The following ZNF804B variants were observed in gnomAD, a reference collection of about 807,000 sequenced individuals.
ZNF804B encodes zinc finger 804B.
In ZNF804B, 80 loss-of-function variants were observed where a neutral mutation model predicts 101.4. That is an observed-to-expected ratio of 0.79 (90% CI 0.66 to 0.95). The LOEUF (loss-of-function observed/expected upper bound fraction) is 0.95. ZNF804B is among the 40% of genes least tolerant of loss of function. The probability of loss-of-function intolerance (pLI) is 0.00; values close to 1 mark genes in which losing one functional copy is unlikely to be tolerated. For synonymous variants in ZNF804B, 622 were observed against 558.8 expected, an observed-to-expected ratio of 1.11 and a Z score of -1.59; for missense variants, 1,673 against 1,561.9, an observed-to-expected ratio of 1.07 and a Z score of -1.20.
Position 89,061,034 on chromosome 7 carries a change from C to T in ZNF804B, c.109-157121C>T, listed in dbSNP as rs774785567. Among the ~76,000 whole-genome samples the T allele has an allele frequency of 3.9e-5, 6 of 152,014 alleles. No homozygotes were observed. In the East Asian group the frequency reaches 5.8e-4, roughly 15 times the overall value. ...AAGCTGGGTGCACACAATTACCAACCGTAGTAATATGTATTTATACATTTC... is the reference window on the plus strand; with the variant it reads ...AAGCTGGGTGCACACAATTACCAACTGTAGTAATATGTATTTATACATTTC... On this transcript the variant is annotated intron_variant, in intron 1 of 3. Coordinates refer to ENST00000333190, the MANE Select transcript of ZNF804B (RefSeq NM_181646.5).
chr7:88,953,787 AAGG>A (rs1793259792), intron 1 of ZNF804B, among the ~76,000 whole-genome samples: 1 of 151,782 alleles, frequency 6.6e-6, no homozygotes, highest in Non-Finnish European at 1.5e-5. Flanking sequence ...CATAGAAAAT[AAGG>A]AGGATTTTCA....
intron 1 of ZNF804B, among the ~76,000 whole-genome samples, chr7:88,948,627 G>T (rs1051108286): frequency 6.6e-6 from 1 of 151,790 alleles, no homozygotes; most frequent in Non-Finnish European, 1.5e-5. Flanking sequence ...TCTGATAAGA[G>T]CCCTGCCTAA....
chr7:89,279,871 T>A lies in ZNF804B; in HGVS notation c.250-47473T>A, dbSNP rs567154617. On this transcript the variant is annotated intron_variant, in intron 2 of 3. Coordinates refer to ENST00000333190, the MANE Select transcript of ZNF804B (RefSeq NM_181646.5). ...TCAGGGTGATGCGGGCCTCATAGGATACCCAGGAATTGAACTCAGCTCTGC... is the reference window on the plus strand; with the variant it reads ...TCAGGGTGATGCGGGCCTCATAGGAAACCCAGGAATTGAACTCAGCTCTGC... Among the ~76,000 whole-genome samples, 4 of 152,180 alleles carry A rather than the reference T, an allele frequency of 2.6e-5. No individual in the cohort carries two copies. The East Asian group carries it at 7.7e-4, about 29-fold the overall frequency.
intron 1 of ZNF804B, among the ~76,000 whole-genome samples, chr7:89,002,999 C>A (rs1490507495): frequency 6.6e-6 from 1 of 150,636 alleles, no homozygotes; most frequent in Non-Finnish European, 1.5e-5. Flanking sequence ...CACAAGGTTA[C>A]CAATTACATT....
At chr7:89,330,570 A>C (rs1790963544) in intron 3 of ZNF804B, among the ~76,000 whole-genome samples, 1 of 151,598 alleles carries the variant, frequency 6.6e-6, no homozygotes, top group African/African-American at 2.4e-5. Context: ...AGAATTTAAA[A>C]CCCCACAAAG....
At chr7:88,820,557 C>T (rs1293908461) in intron 1 of ZNF804B, among the ~76,000 whole-genome samples, 5 of 152,140 alleles carry the variant, frequency 3.3e-5, no homozygotes, top group Non-Finnish European at 7.4e-5. Flanking sequence ...GGGTGGCTTG[C>T]AGTTGTTAAG....
chr7:88,984,691 T>A (rs906338086), intron 1 of ZNF804B, among the ~76,000 whole-genome samples: 1 of 152,060 alleles, frequency 6.6e-6, no homozygotes, highest in Non-Finnish European at 1.5e-5. Context: ...GCAAATTGAC[T>A]CAGGCCAAAT....
intron 1 of ZNF804B, among the ~76,000 whole-genome samples, chr7:88,944,091 A>G (rs1292384890): frequency 8.6e-5 from 13 of 151,886 alleles, no homozygotes; most frequent in Admixed American, 6.6e-4. Context: ...GTAGAAATAT[A>G]TTTTCCTTTA....
chr7:89,037,093 G>A (rs1302564907), intron 1 of ZNF804B, among the ~76,000 whole-genome samples: 1 of 152,046 alleles, frequency 6.6e-6, no homozygotes, highest in Non-Finnish European at 1.5e-5. Context: ...TAAAGAAAAT[G>A]TAAGGGCAGA....
intron 2 of ZNF804B, among the ~76,000 whole-genome samples, chr7:89,254,520 A>G (rs958240314): frequency 2.0e-5 from 3 of 151,590 alleles, no homozygotes; most frequent in African/African-American, 7.2e-5. Flanking sequence ...AAATGCATGG[A>G]TAGTCCCTTA....
intron 1 of ZNF804B, among the ~76,000 whole-genome samples, chr7:89,016,205 T>A (rs545801118): frequency 0.018 from 2,668 of 152,262 alleles, 83 homozygotes; most frequent in African/African-American, 0.061. Flanking sequence ...TCTTGTAAAT[T>A]TGTTTGAGTT....
intron 1 of ZNF804B, among the ~76,000 whole-genome samples, chr7:88,893,421 A>T (rs1029403369): frequency 1.2e-4 from 18 of 152,108 alleles, no homozygotes; most frequent in African/African-American, 4.3e-4. Context: ...AAATTATTTT[A>T]AAAATATTGA....
chr7:89,241,216 A>G (rs1789364983), intron 2 of ZNF804B, among the ~76,000 whole-genome samples: 1 of 152,144 alleles, frequency 6.6e-6, no homozygotes, highest in East Asian at 1.9e-4. Context: ...AACCCTACTG[A>G]ATATAAACAT....
At chr7:89,208,148 C>A (rs1181924741) in intron 1 of ZNF804B, among the ~76,000 whole-genome samples, 1 of 146,458 alleles carries the variant, frequency 6.8e-6, no homozygotes, top group African/African-American at 2.5e-5. Flanking sequence ...GTGGCACAAT[C>A]TCGGCTCACT....
chr7:88,987,142 C>A (rs1242532795), intron 1 of ZNF804B, among the ~76,000 whole-genome samples: 1 of 152,044 alleles, frequency 6.6e-6, no homozygotes, highest in East Asian at 1.9e-4. Context: ...CCTTACTAAG[C>A]TCTCTTCATC....
chr7:88,832,974 A>G (rs749866421), intron 1 of ZNF804B, among the ~76,000 whole-genome samples: 1 of 151,990 alleles, frequency 6.6e-6, no homozygotes, highest in Non-Finnish European at 1.5e-5. Context: ...CGATTTGAAA[A>G]TACATCAGTG....
intron 2 of ZNF804B, among the ~76,000 whole-genome samples, chr7:89,277,039 T>C (rs1789991379): frequency 6.6e-6 from 1 of 151,136 alleles, no homozygotes; most frequent in Non-Finnish European, 1.5e-5. Flanking sequence ...CTCAAGTGAT[T>C]TGAAGCAACT....
chr7:89,183,092 T>C (rs1788322097), intron 1 of ZNF804B, among the ~76,000 whole-genome samples: 1 of 152,116 alleles, frequency 6.6e-6, no homozygotes, highest in Admixed American at 6.6e-5. Flanking sequence ...AGAAGGCTAA[T>C]AAGTTGAGCC....
At chr7:89,321,181 G>C (rs982624983) in intron 2 of ZNF804B, among the ~76,000 whole-genome samples, 1 of 152,062 alleles carries the variant, frequency 6.6e-6, no homozygotes, top group Admixed American at 6.5e-5. Flanking sequence ...AACATAAACT[G>C]TAATAAATTT....
Sources: allele counts gnomAD v4.1 joint callset (sites outside exome capture counted in the v4.1 genomes callset), GRCh38; gene constraint gnomAD v4.1.1; transcripts MANE v1.5; gene names NCBI Gene and HGNC (gene_info 2026-07-23, HGNC 2026-07-21).